Variants in APOL1 observed in about 807,000 individuals in gnomAD.
APOL1 encodes apolipoprotein L1, also known as apolipoprotein L 1.
In APOL1, 17 loss-of-function variants were observed where a neutral mutation model predicts 14.9. The ratio of observed to expected loss-of-function variants is 1.14; its 90% CI spans 0.78 to 1.71. The LOEUF (loss-of-function observed/expected upper bound fraction) is 1.71. Among genes scored for constraint, APOL1 ranks in the 40% most tolerant of loss-of-function variants. The probability of loss-of-function intolerance (pLI) is 0.00; values close to 1 mark genes in which losing one functional copy is unlikely to be tolerated. For missense variants in APOL1, 523 were observed against 485.9 expected (o/e 1.08, Z -0.72); for synonymous variants, 195 against 184.8 (o/e 1.05, Z -0.45).
At chr22:36,258,114 T>C (rs2015952809) in intron 4 of APOL1, among the ~76,000 whole-genome samples, 1 of 151,894 alleles carries the variant, frequency 6.6e-6, no homozygotes, top group Non-Finnish European at 1.5e-5. Flanking sequence ...TCCCCTCTAC[T>C]GGTCCCCTGT....
In APOL1 at chr22:36,257,399, T is replaced by A; in HGVS notation, c.179T>A (p.Met60Lys). 1 of 1,613,974 alleles carries A rather than the reference T, an allele frequency of 6.2e-7. No homozygotes were observed. ...CTCGGTGACTGGGCTGCTGGCACCA[T>A]GGACCCAGGTAGGCTCACCTCCTCT... is the stretch of plus-strand genomic sequence containing the variant. ...KPLGDWAAGT[M>K]DPESSIFIED... The change falls in exon 4 of 6, where the codon ATG becomes AAG. Residue 60 changes from methionine to lysine, a missense_variant. By Grantham distance (95) the Met-to-Lys change is moderately conservative. Coordinates refer to ENST00000397278, the MANE Select transcript of APOL1 (RefSeq NM_003661.4).
At position 36,265,445 on chromosome 22, in the gene APOL1, C is replaced by G; in HGVS notation, c.609C>G (p.Gly203=). 1 of 1,614,158 alleles carries G rather than the reference C, an allele frequency of 6.2e-7. No homozygotes were observed. Among genetic ancestry groups the G allele is most frequent in the South Asian group, 1.1e-5 (1 of 91,084 alleles). The part of the protein sequence containing the change: ...GMGLAPFTEG[G]SLVLLEPGME... ...GTCTGGCACCCTTCACAGAGGGAGG[C>G]AGCCTTGTACTCTTGGAACCTGGGA... is the stretch of plus-strand genomic sequence containing the variant. The change falls in exon 6 of 6, where the codon GGC becomes GGG. Residue 203 remains glycine, a synonymous_variant. Coordinates refer to ENST00000397278, the MANE Select transcript of APOL1 (RefSeq NM_003661.4).
At chr22:36,257,839 C>T (rs1173592293) in intron 4 of APOL1, among the ~76,000 whole-genome samples, 1 of 152,190 alleles carries the variant, frequency 6.6e-6, no homozygotes, top group Non-Finnish European at 1.5e-5. Context: ...CTGGTCCCCT[C>T]CCTCCAGCTC....
chr22:36,266,685 C>G lies in APOL1; in HGVS notation c.*652C>G, dbSNP rs1603482300. 2 of 372,492 alleles carry G rather than the reference C, an allele frequency of 5.4e-6. No individual in the cohort carries two copies. Among genetic ancestry groups the G allele is most frequent in the East Asian group, 7.4e-5 (2 of 26,914 alleles). The allele number at this position is 372,492 out of a possible 1,614,324, so 23.1% of individuals were successfully genotyped here. A position where few individuals can be genotyped will look rare whatever the true frequency, so the allele number is the denominator to read the frequency against. On this transcript the variant is annotated 3_prime_UTR_variant, in exon 6 of 6. Coordinates refer to ENST00000397278, the MANE Select transcript of APOL1 (RefSeq NM_003661.4). The stretch of plus-strand genomic sequence containing the variant: ...CTTTGGGAGGCCAAGGCGGGCGGAT[C>G]ACGAGGTCAGGAGATCGAGACCATC...
intron 4 of APOL1, among the ~76,000 whole-genome samples, chr22:36,258,456 T>G (rs2015965152): frequency 1.3e-5 from 2 of 152,222 alleles, no homozygotes; most frequent in Non-Finnish European, 2.9e-5. Flanking sequence ...AACTGCCTGT[T>G]TGGGTTTACC....
intron 4 of APOL1, among the ~76,000 whole-genome samples, chr22:36,258,284 A>C (rs1056074018): frequency 6.6e-6 from 1 of 152,252 alleles, no homozygotes; most frequent in Admixed American, 6.5e-5. Context: ...TCTGAGGCCC[A>C]ATAGAATTTT....
In APOL1 at chr22:36,266,611, G is replaced by T; in HGVS notation, c.*578G>T. The T allele has an allele frequency of 2.5e-6, 1 of 397,972 alleles. No homozygotes were observed. The highest frequency in any genetic ancestry group is 4.4e-6 in the Non-Finnish European group (1 of 225,772). 24.7% of individuals were successfully genotyped at this position (397,972 alleles called of 1,614,324 possible). A position where few individuals can be genotyped will look rare whatever the true frequency, so the allele number is the denominator to read the frequency against. ...AAGAAGCAGTTTACTTTAGACTAAA[G>T]AATATATTGGGGGGCCGGGTGTAGT... On this transcript the variant is annotated 3_prime_UTR_variant, in exon 6 of 6. Coordinates refer to ENST00000397278, the MANE Select transcript of APOL1 (RefSeq NM_003661.4).
At chr22:36,265,130 C>T in intron 5 of APOL1, 21 bp from the exon 6 acceptor site, 5 of 1,613,290 alleles carry the variant, frequency 3.1e-6, no homozygotes, top group Non-Finnish European at 4.2e-6. Flanking sequence ...TTTCTTAATC[C>T]TTTAACCTTT....
In APOL1 at chr22:36,261,647, G is replaced by A. The variant is rs2016076699; in HGVS notation, c.239G>A (p.Ser80Asn). 6.2e-7 allele frequency: 1 copy of A among 1,613,918 alleles called. No homozygotes were observed. The highest frequency in any genetic ancestry group is 1.3e-5 in the African/African-American group (1 of 74,906). The change falls in exon 5 of 6, where the codon AGC becomes AAC. Residue 80 changes from serine to asparagine, a missense_variant. Coordinates refer to ENST00000397278, the MANE Select transcript of APOL1 (RefSeq NM_003661.4). ...ATTAAGTATTTCAAGGAAAAAGTGA[G>A]CACACAGAATCTGCTACTCCTGCTG... ...DAIKYFKEKV[S>N]TQNLLLLLTD...
chr22:36,266,095 CTT>C lies in APOL1; in HGVS notation c.*73_*74del. The C allele has an allele frequency of 7.6e-5, 87 of 1,147,976 alleles. No homozygotes were observed. Among genetic ancestry groups the C allele is most frequent in the Non-Finnish European group, 8.5e-5 (72 of 849,438 alleles). The allele number at this position is 1,147,976 out of a possible 1,614,324, so 71.1% of individuals were successfully genotyped here. ...GGCAGGGGCCAGGACAAAATGCAAA[CTT>C]TTTTTTTTTTCTGAGACAGAGTCTT... On this transcript the variant is annotated 3_prime_UTR_variant, in exon 6 of 6. Coordinates refer to ENST00000397278, the MANE Select transcript of APOL1 (RefSeq NM_003661.4).
chr22:36,265,073 A>T (rs1319813196), intron 5 of APOL1, 78 bp from the exon 6 acceptor site: 1 of 1,557,942 alleles, frequency 6.4e-7, no homozygotes, highest in Admixed American at 1.8e-5. Context: ...GGCCTCCCAA[A>T]GTGCTGGGAT....
At chr22:36,255,444 G>T (rs1011437087) in intron 2 of APOL1, among the ~76,000 whole-genome samples, 13 of 152,272 alleles carry the variant, frequency 8.5e-5, no homozygotes, top group Admixed American at 4.6e-4. Context: ...GCGAAGGGAT[G>T]CCCCTCTCCT....
intron 4 of APOL1, chr22:36,260,058 C>T (rs953020559): frequency 4.7e-5 from 33 of 697,612 alleles, no homozygotes; most frequent in African/African-American, 3.6e-4. Context: ...TGGTTTTGGG[C>T]GGTGACTCTC....
intron 4 of APOL1, chr22:36,257,612 G>A (rs1471655235): frequency 2.5e-5 from 14 of 562,052 alleles, no homozygotes; most frequent in South Asian, 4.2e-5. Flanking sequence ...AGGGTGACAC[G>A]GCCCAGGTGC....
chr22:36,257,444 G>T, intron 4 of APOL1, 37 bp downstream of exon 4: 2 of 1,586,368 alleles, frequency 1.3e-6, no homozygotes, highest in East Asian at 4.5e-5. Flanking sequence ...GTTCCTACTC[G>T]CACTTAGAAT....
intron 4 of APOL1, chr22:36,259,756 G>A: frequency 7.7e-7 from 1 of 1,304,292 alleles, no homozygotes; most frequent in Non-Finnish European, 1.0e-6. Flanking sequence ...GGTGCCTCAA[G>A]GATCAGTGCT....
rs969926809 is a variant in APOL1 at position 36,261,619 on chromosome 22, G to T, written c.211G>T (p.Ala71Ser). The T allele has an allele frequency of 6.2e-7, 1 of 1,613,640 alleles. No homozygotes were observed. Among genetic ancestry groups the T allele is most frequent in the Non-Finnish European group, 8.5e-7 (1 of 1,179,668 alleles). ...DPESSIFIED[A>S]IKYFKEKVST... ...AGAGAGCAGTATCTTTATTGAGGATGCCATTAAGTATTTCAAGGAAAAAGT... is the reference window on the plus strand; with the variant it reads ...AGAGAGCAGTATCTTTATTGAGGATTCCATTAAGTATTTCAAGGAAAAAGT... The change falls in exon 5 of 6, where the codon GCC (alanine) becomes TCC (serine). Residue 71 changes from alanine to serine, a missense_variant. Transcript: ENST00000397278.
rs968326890 is a variant in APOL1 at position 36,266,377 on chromosome 22, T to C, written c.*344T>C. On this transcript the variant is annotated 3_prime_UTR_variant, in exon 6 of 6. Transcript: ENST00000397278. ...GTGCTGGGATTACAGGCGTGAGCCA[T>C]CGCTTTTGACCCAAATGCAAACATT... is the stretch of plus-strand genomic sequence containing the variant. 2.6e-5 allele frequency: 10 copies of C among 390,660 alleles called. No individual in the cohort carries two copies. Among genetic ancestry groups the C allele is most frequent in the Middle Eastern group, 1.3e-3 (2 of 1,524 alleles). 24.2% of individuals were successfully genotyped at this position (390,660 alleles called of 1,614,324 possible).
At chr22:36,257,198 T>A in intron 3 of APOL1, 62 bp downstream of exon 3, 1 of 1,612,052 alleles carries the variant, frequency 6.2e-7, no homozygotes, top group Non-Finnish European at 8.5e-7. Flanking sequence ...CTGGTTTAGG[T>A]TGGTCTTGGT....
Sources: gnomAD v4.1 joint callset for allele counts (sites outside exome capture counted in the v4.1 genomes callset) on GRCh38, gnomAD v4.1.1 for gene constraint, MANE v1.5 for transcripts, NCBI Gene and HGNC (gene_info 2026-07-23, HGNC 2026-07-21) for gene names.